LFNG: variants seen among roughly 807,000 people sequenced by gnomAD.
The protein encoded by LFNG is beta-1,3-N-acetylglucosaminyltransferase lunatic fringe.
Under a neutral mutation model 32.7 loss-of-function variants are expected in LFNG, and 15 were observed. That is an observed-to-expected ratio of 0.46 (90% confidence interval 0.31 to 0.71). The LOEUF (loss-of-function observed/expected upper bound fraction) is 0.71. Ranked by LOEUF, LFNG falls within the 30% of genes least tolerant of loss-of-function variation. The pLI, the probability that LFNG is intolerant of heterozygous loss-of-function variation, is 0.06. For missense variants in LFNG, 520 were observed against 545.7 expected (o/e 0.95, Z 0.47); for synonymous variants, 274 against 246.8 (o/e 1.11, Z -1.03).
upstream of LFNG, chr7:2,513,246 C>CGG (rs752396779): frequency 2.2e-5 from 31 of 1,397,924 alleles, no homozygotes; most frequent in East Asian, 7.3e-4. Flanking sequence ...GACAGATGGA[C>CGG]AGATGGATGG....
At position 2,527,001 on chromosome 7, in the gene LFNG, C is replaced by T; in HGVS notation, c.1073+80C>T. The T allele has an allele frequency of 1.4e-6, 2 of 1,452,892 alleles. No individual in the cohort carries two copies. The highest frequency in any genetic ancestry group is 2.3e-5 in the South Asian group (2 of 85,666). 90.0% of individuals were successfully genotyped at this position (1,452,892 alleles called of 1,614,324 possible). A position where few individuals can be genotyped will look rare whatever the true frequency, so the allele number is the denominator to read the frequency against. ...GGGCCTCGTGGAGCTGCAGCAGGGTCTCTCTAAGCGGCATGACTCTACATA... is the reference window on the plus strand; with the variant it reads ...GGGCCTCGTGGAGCTGCAGCAGGGTTTCTCTAAGCGGCATGACTCTACATA... On this transcript the variant is annotated intron_variant, in intron 7 of 7. Transcript: ENST00000222725. The surrounding 1 kb of genome is among the most constrained non-coding windows in gnomAD (Gnocchi z 4.4).
rs1243573265 is a variant in LFNG at position 2,526,904 on chromosome 7, G to A, written c.1056G>A (p.Val352=). The change falls in exon 7 of 8, where the codon GTG becomes GTA. Residue 352 remains valine (V), a synonymous_variant. Coordinates refer to ENST00000222725, the MANE Select transcript of LFNG (RefSeq NM_001040167.2). This position sits in a 1 kb window ranked among gnomAD's most constrained non-coding sequence, Gnocchi z 6.9. The part of the protein sequence containing the change: ...NAVHVKGPFS[V]EADPSRFRSI... ...TCCACGTGAAGGGGCCCTTCTCGGT[G>A]GAGGCCGACCCATCCAGGTAAGGAA... 3 of 1,612,640 alleles carry A rather than the reference G, an allele frequency of 1.9e-6. No individual in the cohort carries two copies. Among genetic ancestry groups the A allele is most frequent in the Non-Finnish European group, 2.5e-6 (3 of 1,179,922 alleles).
chr7:2,524,374 C>A (rs1043741521), intron 1 of LFNG, among the ~76,000 whole-genome samples: 2 of 152,172 alleles, frequency 1.3e-5, no homozygotes, highest in Non-Finnish European at 2.9e-5. Flanking sequence ...GGTTACCTGG[C>A]GGGCGGGCGA....
upstream of LFNG, among the ~76,000 whole-genome samples, chr7:2,513,616 G>T (rs1301373211): frequency 6.6e-6 from 1 of 152,196 alleles, no homozygotes; most frequent in Non-Finnish European, 1.5e-5. Context: ...GTCATGACTA[G>T]GGTGGGGGGT....
chr7:2,521,201 T>C (rs1779778676), intron 1 of LFNG, among the ~76,000 whole-genome samples: 1 of 151,994 alleles, frequency 6.6e-6, no homozygotes, highest in Non-Finnish European at 1.5e-5. Flanking sequence ...GGAGCAGGGC[T>C]TGGTGAGGTC....
upstream of LFNG, chr7:2,518,580 G>C (rs143245520): frequency 5.0e-6 from 8 of 1,598,376 alleles, no homozygotes; most frequent in Non-Finnish European, 6.0e-6. Flanking sequence ...GCTGTCTTGC[G>C]GCTGACATTC....
At chr7:2,515,912 C>T (rs1779616624), upstream of LFNG, among the ~76,000 whole-genome samples, 1 of 152,256 alleles carries the variant, frequency 6.6e-6, no homozygotes, top group Admixed American at 6.5e-5. Context: ...GGTATCCCTC[C>T]CCCGGCCTTG....
chr7:2,520,123 G>A lies in LFNG; in HGVS notation c.262G>A (p.Ala88Thr). 2 of 1,351,874 alleles carry A rather than the reference G, an allele frequency of 1.5e-6. No individual in the cohort carries two copies. The highest frequency in any genetic ancestry group is 1.9e-6 in the Non-Finnish European group (2 of 1,042,722). 83.7% of individuals were successfully genotyped at this position (1,351,874 alleles called of 1,614,324 possible). ...CCTGCTCACCCGCGCGCGCAGAGAT[G>A]CGGGCCCGCCGCCCGGGGCTGCCCC... is the stretch of plus-strand genomic sequence containing the variant. ...FSLLTRARRD[A>T]GPPPGAAPRP... is the part of the protein sequence containing the mutation. The change falls in exon 1 of 8, where the codon GCG becomes ACG. Residue 88 changes from alanine to threonine, a missense_variant. By Grantham distance (58) the Ala-to-Thr change is moderately conservative (BLOSUM62 0). Coordinates refer to ENST00000222725, the MANE Select transcript of LFNG (RefSeq NM_001040167.2). This position sits in a 1 kb window ranked among gnomAD's most constrained non-coding sequence, Gnocchi z 5.0.
rs1416156833 is a variant in LFNG, at chr7:2,528,311, T to G, written c.*1099T>G. 3 of 986,074 alleles carry G rather than the reference T, an allele frequency of 3.0e-6. No individual in the cohort carries two copies. In the African/African-American group the frequency reaches 5.2e-5, roughly 17 times the overall value. 61.1% of individuals were successfully genotyped at this position (986,074 alleles called of 1,614,324 possible). A position where few individuals can be genotyped will look rare whatever the true frequency, so the allele number is the denominator to read the frequency against. On this transcript the variant is annotated 3_prime_UTR_variant, in exon 8 of 8. Coordinates refer to ENST00000222725, the MANE Select transcript of LFNG (RefSeq NM_001040167.2). ...CCGTGGGCTGTGTTTCTTGTTGTTTTTCTCTTTGCAAAGACATAGCTAGGA... is the reference window on the plus strand; with the variant it reads ...CCGTGGGCTGTGTTTCTTGTTGTTTGTCTCTTTGCAAAGACATAGCTAGGA...
exon 1 of LFNG, chr7:2,512,696 T>G: frequency 6.2e-7 from 1 of 1,613,774 alleles, no homozygotes; most frequent in Non-Finnish European, 8.5e-7. Flanking sequence ...ACACGTATTG[T>G]ATGAGGTGGG....
chr7:2,527,684 C>T lies in LFNG; in HGVS notation c.*472C>T, dbSNP rs1780035253. The stretch of plus-strand genomic sequence containing the variant: ...CCCAAGTACGACTCACTGAGCCATG[C>T]TCATTGCAGGGGAGGCTGGGTCTGG... On this transcript the variant is annotated 3_prime_UTR_variant, in exon 8 of 8. Transcript: ENST00000222725. The surrounding 1 kb of genome is among the most constrained non-coding windows in gnomAD (Gnocchi z 4.4). 2 of 1,098,438 alleles carry T rather than the reference C, an allele frequency of 1.8e-6. No homozygotes were observed. The highest frequency in any genetic ancestry group is 4.5e-5 in the Admixed American group (1 of 22,104). The allele number at this position is 1,098,438 out of a possible 1,614,324, so 68.0% of individuals were successfully genotyped here.
chr7:2,518,468 G>C (rs77336189), upstream of LFNG: 7,646 of 827,388 alleles, frequency 9.2e-3, 70 homozygotes, highest in Non-Finnish European at 0.013. Flanking sequence ...TTAGCGGGGG[G>C]AGAGGGTCTG....
upstream of LFNG, among the ~76,000 whole-genome samples, chr7:2,515,671 C>T (rs1159271838): frequency 3.9e-5 from 6 of 152,240 alleles, no homozygotes; most frequent in East Asian, 9.6e-4. Flanking sequence ...CCAAGGCAGC[C>T]TGGTGGGCAG....
chr7:2,527,977 G>C lies in LFNG; in HGVS notation c.*765G>C. On this transcript the variant is annotated 3_prime_UTR_variant, in exon 8 of 8. Transcript: ENST00000222725. This position sits in a 1 kb window ranked among gnomAD's most constrained non-coding sequence, Gnocchi z 4.4. ...AGAGAGCAAGTCGCCCACAGTGGGC[G>C]TGTCTGTAAATATTGTGACAGTATT... The C allele has an allele frequency of 1.0e-6, 1 of 982,546 alleles. No individual in the cohort carries two copies. The highest frequency in any genetic ancestry group is 1.2e-6 in the Non-Finnish European group (1 of 829,704). The allele number at this position is 982,546 out of a possible 1,614,324, so 60.9% of individuals were successfully genotyped here.
Position 2,526,689 on chromosome 7 carries a change from T to C in LFNG, c.988-147T>C. 1 of 792,098 alleles carries C rather than the reference T, an allele frequency of 1.3e-6. No individual in the cohort carries two copies. The highest frequency in any genetic ancestry group is 2.2e-5 in the Admixed American group (1 of 45,618). The allele number at this position is 792,098 out of a possible 1,614,324, so 49.1% of individuals were successfully genotyped here. A position where few individuals can be genotyped will look rare whatever the true frequency, so the allele number is the denominator to read the frequency against. Reference sequence around the variant, plus strand: ...AGCTGGTCCCCAGTTTGGGACCTTATTCCTGGGGTGTGCAGGGCAGGTGTC... The same window carrying C: ...AGCTGGTCCCCAGTTTGGGACCTTACTCCTGGGGTGTGCAGGGCAGGTGTC... On this transcript the variant is annotated intron_variant, in intron 6 of 7. Transcript: ENST00000222725. The surrounding 1 kb of genome is among the most constrained non-coding windows in gnomAD (Gnocchi z 6.9).
chr7:2,514,656 G>A (rs1333965955), upstream of LFNG, among the ~76,000 whole-genome samples: 11 of 129,240 alleles, frequency 8.5e-5, no homozygotes, highest in East Asian at 4.8e-4. Flanking sequence ...CCATCCATCC[G>A]TTAGTCTGTC....
upstream of LFNG, among the ~76,000 whole-genome samples, chr7:2,516,159 C>T (rs1055709626): frequency 3.3e-5 from 5 of 152,226 alleles, no homozygotes; most frequent in Admixed American, 6.5e-5. Flanking sequence ...TGCAGGCTTG[C>T]CCGAGCCACA....
In LFNG at chr7:2,520,111, G is replaced by T. The variant is rs1779744524; in HGVS notation, c.250G>T (p.Ala84Ser). The T allele has an allele frequency of 1.5e-6, 2 of 1,348,518 alleles. No homozygotes were observed. The highest frequency in any genetic ancestry group is 1.8e-5 in the South Asian group (1 of 56,344). 83.5% of individuals were successfully genotyped at this position (1,348,518 alleles called of 1,614,324 possible). ...LSEYFSLLTR[A>S]RRDAGPPPGA... is the part of the protein sequence containing the mutation. ...CGAGTACTTCAGCCTGCTCACCCGC[G>T]CGCGCAGAGATGCGGGCCCGCCGCC... Residue 84 changes from alanine (A) to serine (S), a missense_variant, in exon 1 of 8, where the codon GCG becomes TCG. Around this residue, in one of 3 missense-constraint regions of LFNG, gnomAD observed 360 missense variants for 354.7 expected, o/e 1.01. Coordinates refer to ENST00000222725, the MANE Select transcript of LFNG (RefSeq NM_001040167.2). The surrounding 1 kb of genome is among the most constrained non-coding windows in gnomAD (Gnocchi z 5.0).
chr7:2,515,069 T>TCTGTCTGTCTGC (rs1779592067), upstream of LFNG, among the ~76,000 whole-genome samples: 1 of 150,810 alleles, frequency 6.6e-6, no homozygotes, highest in African/African-American at 2.4e-5. Context: ...CATCCATCTG[T>TCTGTCTGTCTGC]CCATCCGTCC....
Sources: gnomAD v4.1 joint callset for allele counts (sites outside exome capture counted in the v4.1 genomes callset) on GRCh38, gnomAD v4.1.1 for gene constraint, gnomAD v4.1.1 regional missense constraint, Gnocchi (gnomAD v3.1) non-coding constraint, MANE v1.5 for transcripts, NCBI Gene and HGNC (gene_info 2026-07-23, HGNC 2026-07-21) for gene names.